Variants in GLP1R observed in about 807,000 individuals in gnomAD.
The protein encoded by GLP1R is glucagon-like peptide 1 receptor.
Under a neutral mutation model 68.4 loss-of-function variants are expected in GLP1R, and 32 were observed. That is an observed-to-expected ratio of 0.47 (90% CI 0.35 to 0.63). The LOEUF (loss-of-function observed/expected upper bound fraction) is 0.63, where lower values mean the gene tolerates loss of function less well. Among genes scored for constraint, GLP1R ranks in the 20% least tolerant of loss-of-function variants. The probability of loss-of-function intolerance (pLI) is 0.00; values close to 1 mark genes in which losing one functional copy is unlikely to be tolerated. For missense variants in GLP1R, 502 were observed against 594.9 expected (o/e 0.84, Z 1.62); for synonymous variants, 263 against 244.4 (o/e 1.08, Z -0.71).
At chr6:39,075,178 G>A (rs1290489859) in intron 7 of GLP1R, among the ~76,000 whole-genome samples, 2 of 152,218 alleles carry the variant, frequency 1.3e-5, no homozygotes, top group Non-Finnish European at 2.9e-5. Flanking sequence ...AGGTGGGCAG[G>A]TAGGCCTGGC....
intron 12 of GLP1R, among the ~76,000 whole-genome samples, chr6:39,081,577 G>T (rs933808853): frequency 6.6e-6 from 1 of 152,186 alleles, no homozygotes; most frequent in Admixed American, 6.5e-5. Flanking sequence ...AAGGTACTCA[G>T]CTTTGGAATC....
Position 39,079,489 on chromosome 6 carries a change from G to C in GLP1R, c.1044-75G>C, listed in dbSNP as rs1768932108. The C allele has an allele frequency of 1.4e-6, 2 of 1,383,576 alleles. No homozygotes were observed. The highest frequency in any genetic ancestry group is 1.5e-5 in the African/African-American group (1 of 68,954). The allele number at this position is 1,383,576 out of a possible 1,614,324, so 85.7% of individuals were successfully genotyped here. A position where few individuals can be genotyped will look rare whatever the true frequency, so the allele number is the denominator to read the frequency against. On this transcript the variant is annotated intron_variant, in intron 10 of 12. Coordinates refer to ENST00000373256, the MANE Select transcript of GLP1R (RefSeq NM_002062.5). The surrounding 1 kb of genome is among the most constrained non-coding windows in gnomAD (Gnocchi z 4.5). Reference sequence around the variant, plus strand: ...AGATATCAGGACTTGGTAGGAAGTGGGGAGGGTAGAGAAAGGGAAGAAGAG... The same window carrying C: ...AGATATCAGGACTTGGTAGGAAGTGCGGAGGGTAGAGAAAGGGAAGAAGAG...
rs1320384369 is a variant in GLP1R at position 39,088,057 on chromosome 6, CT to C, written c.*1985del. Among the ~76,000 whole-genome samples the C allele has an allele frequency of 6.6e-6, 1 of 152,130 alleles. No homozygotes were observed. The highest frequency in any genetic ancestry group is 1.5e-5 in the Non-Finnish European group (1 of 68,026). ...GATATAATCTGTGTGAAATAAATTG[CT>C]GAGGAGAGGGATTGTAGGGAAGAAG... On this transcript the variant is annotated 3_prime_UTR_variant, in exon 13 of 13. Coordinates refer to ENST00000373256, the MANE Select transcript of GLP1R (RefSeq NM_002062.5).
At chr6:39,080,791 C>G (rs1206112053) in intron 12 of GLP1R, 52 bp downstream of exon 12, 5 of 1,182,698 alleles carry the variant, frequency 4.2e-6, no homozygotes, top group Non-Finnish European at 4.9e-6. Context: ...TACCATCAGC[C>G]CGTCTGGAGT....
At chr6:39,068,392 G>A (rs1262053805) in intron 5 of GLP1R, among the ~76,000 whole-genome samples, 1 of 150,830 alleles carries the variant, frequency 6.6e-6, no homozygotes, top group Non-Finnish European at 1.5e-5. Context: ...GGGTCTTGGA[G>A]GAGAATCTTG....
intron 1 of GLP1R, among the ~76,000 whole-genome samples, chr6:39,053,841 T>C (rs1025943683): frequency 6.6e-6 from 1 of 152,084 alleles, no homozygotes; most frequent in South Asian, 2.1e-4. Flanking sequence ...ATTTACTCAG[T>C]CTTTCCCCAG....
chr6:39,055,258 C>T (rs556923034), intron 1 of GLP1R, among the ~76,000 whole-genome samples: 5 of 152,316 alleles, frequency 3.3e-5, no homozygotes, highest in South Asian at 4.2e-4. Context: ...TTTCAGCACA[C>T]GTGGACATTT....
At position 39,049,290 on chromosome 6, in the gene GLP1R, G is replaced by A. The variant is rs1017682791; in HGVS notation, c.78+372G>A. Reference sequence around the variant, plus strand: ...GTGTCAGCGGCCCTGGCACAGCCCGGCATCCTCCCGGACTCCCTCTGCCCC... The same window carrying A: ...GTGTCAGCGGCCCTGGCACAGCCCGACATCCTCCCGGACTCCCTCTGCCCC... On this transcript the variant is annotated intron_variant, in intron 1 of 12. Transcript: ENST00000373256. The surrounding 1 kb of genome is among the most constrained non-coding windows in gnomAD (Gnocchi z 4.5). 3.9e-5 allele frequency among the ~76,000 whole-genome samples: 6 copies of A among 152,078 alleles called. No homozygotes were observed. Among genetic ancestry groups the A allele is most frequent in the Non-Finnish European group, 8.8e-5 (6 of 68,010 alleles).
intron 1 of GLP1R, among the ~76,000 whole-genome samples, chr6:39,054,582 G>A (rs1290461702): frequency 1.3e-5 from 2 of 151,804 alleles, no homozygotes; most frequent in African/African-American, 4.9e-5. Flanking sequence ...TGGGGTGCAG[G>A]AGGCCAGATT....
intron 11 of GLP1R, among the ~76,000 whole-genome samples, chr6:39,080,012 A>G (rs577733880): frequency 1.3e-5 from 2 of 152,280 alleles, no homozygotes; most frequent in South Asian, 4.2e-4. Context: ...TGCATTGTGC[A>G]TTTACTCCTC....
chr6:39,062,154 G>A (rs551601875), intron 3 of GLP1R, among the ~76,000 whole-genome samples: 163 of 152,330 alleles, frequency 1.1e-3, no homozygotes, highest in Non-Finnish European at 2.1e-3. Context: ...AGCAGCTTCC[G>A]GGAGGGGAAG....
chr6:39,075,166 A>ACAGGTGGG (rs1768779838), intron 7 of GLP1R, among the ~76,000 whole-genome samples: 1 of 152,164 alleles, frequency 6.6e-6, no homozygotes, highest in Non-Finnish European at 1.5e-5. Flanking sequence ...AGGCCTCTGC[A>ACAGGTGGG]CAGGTGGGCA....
Position 39,091,013 on chromosome 6 carries a change from G to GA in GLP1R, c.*4941dup, listed in dbSNP as rs544809465. On this transcript the variant is annotated 3_prime_UTR_variant, in exon 13 of 13. Coordinates refer to ENST00000373256, the MANE Select transcript of GLP1R (RefSeq NM_002062.5). ...CAACTCCAGCATCCCATCGGTTCTG[G>GA]AGGGATTTGATGCAAACCTTTAAAT... Among the ~76,000 whole-genome samples, 515 of 152,260 alleles carry GA rather than the reference G, an allele frequency of 3.4e-3. 2 individuals carry two copies. The highest frequency in any genetic ancestry group is 0.014 in the Middle Eastern group (4 of 292).
intron 1 of GLP1R, among the ~76,000 whole-genome samples, chr6:39,054,765 C>T (rs980071010): frequency 1.6e-4 from 24 of 152,320 alleles, no homozygotes; most frequent in African/African-American, 5.1e-4. Context: ...CGTCTCTCTG[C>T]CCTCCACCCC....
At chr6:39,081,744 G>A (rs1384056190) in intron 12 of GLP1R, among the ~76,000 whole-genome samples, 1 of 152,228 alleles carries the variant, frequency 6.6e-6, no homozygotes, top group African/African-American at 2.4e-5. Flanking sequence ...AAGATGCAAG[G>A]ATGCAGGCTT....
Position 39,078,401 on chromosome 6 carries a change from G to A in GLP1R, c.884+19G>A. On this transcript the variant is annotated intron_variant, in intron 8 of 12. Coordinates refer to ENST00000373256, the MANE Select transcript of GLP1R (RefSeq NM_002062.5). ...ACGAGGGGTGAGTGTCCTGCTCCAAGGGGGCGGGTGTGCCCAGGTCCCCAT... is the reference window on the plus strand; with the variant it reads ...ACGAGGGGTGAGTGTCCTGCTCCAAAGGGGCGGGTGTGCCCAGGTCCCCAT... The A allele has an allele frequency of 6.3e-7, 1 of 1,580,516 alleles. No homozygotes were observed. The highest frequency in any genetic ancestry group is 1.1e-5 in the South Asian group (1 of 90,436).
At chr6:39,063,388 C>T (rs1006088417) in intron 3 of GLP1R, among the ~76,000 whole-genome samples, 46 of 152,288 alleles carry the variant, frequency 3.0e-4, no homozygotes, top group East Asian at 1.9e-4. Context: ...AATCAGACCA[C>T]GTGCCTCCCC....
rs537956911 is a variant in GLP1R at position 39,090,411 on chromosome 6, G to A, written c.*4338G>A. On this transcript the variant is annotated 3_prime_UTR_variant, in exon 13 of 13. Coordinates refer to ENST00000373256, the MANE Select transcript of GLP1R (RefSeq NM_002062.5). ...ATTTTCCAGGACCTTGTCTAGCAGT[G>A]GCTCCATTTTTCCCCGATGCATCCA... Among the ~76,000 whole-genome samples, 1 of 152,146 alleles carries A rather than the reference G, an allele frequency of 6.6e-6. No homozygotes were observed. The highest frequency in any genetic ancestry group is 2.1e-4 in the South Asian group (1 of 4,814).
chr6:39,070,544 A>G (rs554295774), intron 5 of GLP1R, among the ~76,000 whole-genome samples: 10 of 152,368 alleles, frequency 6.6e-5, no homozygotes, highest in East Asian at 1.9e-4. Flanking sequence ...TGTTCTTCAC[A>G]GTGGTCACAC....
Sources: gnomAD v4.1 joint callset for allele counts (sites outside exome capture counted in the v4.1 genomes callset) on GRCh38, gnomAD v4.1.1 for gene constraint, Gnocchi (gnomAD v3.1) non-coding constraint, MANE v1.5 for transcripts, NCBI Gene and HGNC (gene_info 2026-07-23, HGNC 2026-07-21) for gene names.